Variants in ADAMTS3 observed in about 807,000 individuals in gnomAD.
ADAMTS3 encodes ADAM metallopeptidase with thrombospondin type 1 motif 3.
A neutral mutation model predicts 129.0 loss-of-function variants in ADAMTS3; 73 were observed. That is an observed-to-expected ratio of 0.57 (90% CI 0.47 to 0.69). ADAMTS3 has a LOEUF of 0.69. ADAMTS3 is among the 30% of genes least tolerant of loss of function. The pLI, the probability that ADAMTS3 is intolerant of heterozygous loss-of-function variation, is 0.00. For missense variants in ADAMTS3, 1,457 were observed against 1,514.5 expected (o/e 0.96, Z 0.63); for synonymous variants, 477 against 510.8 (o/e 0.93, Z 0.89).
chr4:72,556,682 C>T (rs1049756997), intron 2 of ADAMTS3, among the ~76,000 whole-genome samples: 1 of 151,714 alleles, frequency 6.6e-6, no homozygotes, highest in African/African-American at 2.4e-5. Flanking sequence ...CTGATGCACG[C>T]TTTGGCATCT....
intron 3 of ADAMTS3, among the ~76,000 whole-genome samples, chr4:72,429,557 G>A (rs1029760764): frequency 6.6e-6 from 1 of 151,962 alleles, no homozygotes; most frequent in Admixed American, 6.6e-5. Context: ...ATACCAAAGT[G>A]CATGATCATC....
At chr4:72,429,803 C>T (rs994063313) in intron 3 of ADAMTS3, among the ~76,000 whole-genome samples, 7 of 151,976 alleles carry the variant, frequency 4.6e-5, no homozygotes, top group South Asian at 2.1e-4. Context: ...ACTATTCCTT[C>T]GGCGCTTGCT....
At chr4:72,412,298 C>A (rs922088241) in intron 4 of ADAMTS3, among the ~76,000 whole-genome samples, 1 of 151,876 alleles carries the variant, frequency 6.6e-6, no homozygotes, top group East Asian at 1.9e-4. Flanking sequence ...TTGAATTAAT[C>A]CAGAAAAGGC....
At chr4:72,321,181 G>A (rs1184384608) in intron 6 of ADAMTS3, among the ~76,000 whole-genome samples, 1 of 151,942 alleles carries the variant, frequency 6.6e-6, no homozygotes. Flanking sequence ...GAATGGTTTT[G>A]TTTTGTTTGA....
rs1261992151 is a variant in ADAMTS3, at chr4:72,320,703, G to A, written c.1102+11C>T. On this transcript the variant is annotated intron_variant, in intron 7 of 21. Coordinates refer to ENST00000286657, the MANE Select transcript of ADAMTS3 (RefSeq NM_014243.3). Reference sequence around the variant, plus strand: ...CCCTCAAGTATTTCTTCTACATATTGACAGCAATACCTTGCATTCCAGCAG... The same window carrying A: ...CCCTCAAGTATTTCTTCTACATATTAACAGCAATACCTTGCATTCCAGCAG... 6.2e-7 allele frequency: 1 copy of A among 1,608,470 alleles called. No homozygotes were observed. Among genetic ancestry groups the A allele is most frequent in the South Asian group, 1.1e-5 (1 of 89,922 alleles).
At chr4:72,443,950 G>T (rs1351767411) in intron 3 of ADAMTS3, among the ~76,000 whole-genome samples, 1 of 151,648 alleles carries the variant, frequency 6.6e-6, no homozygotes, top group African/African-American at 2.4e-5. Context: ...TGCAGACAAA[G>T]TCATATATTT....
chr4:72,396,547 A>G (rs1254030667), intron 4 of ADAMTS3, among the ~76,000 whole-genome samples: 1 of 152,158 alleles, frequency 6.6e-6, no homozygotes, highest in Admixed American at 6.6e-5. Context: ...AGAAGGGAAT[A>G]TGACTATATT....
chr4:72,448,106 G>C (rs1056188756), intron 3 of ADAMTS3, among the ~76,000 whole-genome samples: 18 of 151,688 alleles, frequency 1.2e-4, no homozygotes, highest in African/African-American at 4.1e-4. Flanking sequence ...TTAAGGTTCA[G>C]GGCCCCTTAT....
rs549001683 is a variant in ADAMTS3, at chr4:72,329,130, T to C, written c.862-6033A>G. 4.9e-4 allele frequency among the ~76,000 whole-genome samples: 74 copies of C among 152,166 alleles called. 2 individuals are homozygous for C. In the South Asian group the frequency reaches 0.015, roughly 31 times the overall value. ...GAATGGAATAGTCAATACCTTTGAG[T>C]CTCTGTTCTTATGAAGCATAGACTC... On this transcript the variant is annotated intron_variant, in intron 5 of 21. Transcript: ENST00000286657.
chr4:72,399,826 C>T (rs34264854), intron 4 of ADAMTS3, among the ~76,000 whole-genome samples: 5 of 3,488 alleles, frequency 1.4e-3, no homozygotes, highest in Admixed American at 2.6e-3. Context: ...TGTGTATATA[C>T]GTGTGTATAT....
rs1220427513 is a variant in ADAMTS3 at position 72,288,761 on chromosome 4, A to G, written c.3039T>C (p.Pro1013=). The change falls in exon 21 of 22, where the codon CCT becomes CCC. Residue 1013 remains proline (P), a synonymous_variant. Coordinates refer to ENST00000286657, the MANE Select transcript of ADAMTS3 (RefSeq NM_014243.3). The stretch of plus-strand genomic sequence containing the variant: ...TGGTGTGACACCTACCATTACAAGG[A>G]GGCAGTTGACAGGCTCTGACCGACT... The part of the protein sequence containing the change: ...KPESVRACQL[P]PCNDEPCLGD... The G allele has an allele frequency of 2.5e-6, 4 of 1,610,458 alleles. No individual in the cohort carries two copies. In the South Asian group the frequency reaches 3.3e-5, roughly 13 times the overall value.
At chr4:72,322,602 A>G (rs922794589) in intron 6 of ADAMTS3, among the ~76,000 whole-genome samples, 1 of 152,140 alleles carries the variant, frequency 6.6e-6, no homozygotes, top group African/African-American at 2.4e-5. Flanking sequence ...TTTCTTCATT[A>G]TATATTCCAA....
At chr4:72,428,931 T>C (rs901133096) in intron 3 of ADAMTS3, among the ~76,000 whole-genome samples, 3 of 152,082 alleles carry the variant, frequency 2.0e-5, no homozygotes, top group East Asian at 1.9e-4. Context: ...GTAAGACTCA[T>C]ATACTTAACT....
chr4:72,567,344 A>ATATCT (rs1560570655), intron 2 of ADAMTS3, 30 bp downstream of exon 2: 6 of 1,595,504 alleles, frequency 3.8e-6, no homozygotes, highest in Non-Finnish European at 5.1e-6. Context: ...TCAACTTAAG[A>ATATCT]TAAGAGTGAC....
At chr4:72,298,242 T>C in intron 18 of ADAMTS3, 35 bp downstream of exon 18, 1 of 1,573,240 alleles carries the variant, frequency 6.4e-7, no homozygotes, top group Non-Finnish European at 8.7e-7. Context: ...TTATATGCAT[T>C]ACATTTTAAT....
At chr4:72,460,969 T>C (rs187609610) in intron 3 of ADAMTS3, among the ~76,000 whole-genome samples, 9 of 151,806 alleles carry the variant, frequency 5.9e-5, no homozygotes, top group Non-Finnish European at 1.2e-4. Context: ...AGAAAGAAGC[T>C]AAATGTCCAA....
intron 4 of ADAMTS3, among the ~76,000 whole-genome samples, chr4:72,354,577 A>G (rs963652660): frequency 2.6e-5 from 4 of 152,006 alleles, no homozygotes; most frequent in African/African-American, 9.7e-5. Flanking sequence ...CCCTTGGGCA[A>G]ATCATTCAAT....
chr4:72,519,210 G>T (rs56044270), intron 3 of ADAMTS3, among the ~76,000 whole-genome samples: 38,222 of 151,966 alleles, frequency 0.25, 4,934 homozygotes, highest in Middle Eastern at 0.34. Flanking sequence ...GAGATCCGCT[G>T]TTAGTCTGAT....
intron 4 of ADAMTS3, among the ~76,000 whole-genome samples, chr4:72,361,968 T>C (rs1157497299): frequency 6.6e-6 from 1 of 151,688 alleles, no homozygotes; most frequent in Non-Finnish European, 1.5e-5. Flanking sequence ...CATACGTAAC[T>C]GGAACTGCAA....
Sources: allele counts gnomAD v4.1 joint callset (sites outside exome capture counted in the v4.1 genomes callset), GRCh38; gene constraint gnomAD v4.1.1; transcripts MANE v1.5; gene names NCBI Gene and HGNC (gene_info 2026-07-23, HGNC 2026-07-21).